COLGALT2: variants seen among roughly 807,000 people sequenced by gnomAD.
COLGALT2 encodes collagen beta(1-O)galactosyltransferase 2.
A neutral mutation model predicts 73.4 loss-of-function variants in COLGALT2; 49 were observed. The observed-to-expected ratio is 0.67, with a 90% CI of 0.53 to 0.85. The LOEUF (loss-of-function observed/expected upper bound fraction) is 0.85. Among genes scored for constraint, COLGALT2 ranks in the 40% least tolerant of loss-of-function variants. The pLI is 0.00. For missense variants in COLGALT2, 722 were observed against 790.2 expected (o/e 0.91, Z 1.03); for synonymous variants, 295 against 307.6 (o/e 0.96, Z 0.43).
intron 1 of COLGALT2, among the ~76,000 whole-genome samples, chr1:184,023,452 C>G (rs1409309489): frequency 6.6e-6 from 1 of 152,198 alleles, no homozygotes; most frequent in Admixed American, 6.5e-5. Flanking sequence ...AATCCACTAG[C>G]TTGGTGAGAC....
rs972256086 is a variant in COLGALT2 at position 183,937,498 on chromosome 1, T to C, written c.*1263A>G. The C allele has an allele frequency of 7.1e-6, 7 of 985,350 alleles. No individual in the cohort carries two copies. The African/African-American group carries it at 1.0e-4, about 15-fold the overall frequency. 61.0% of individuals were successfully genotyped at this position (985,350 alleles called of 1,614,324 possible). On this transcript the variant is annotated 3_prime_UTR_variant, in exon 12 of 12. Coordinates refer to ENST00000361927, the MANE Select transcript of COLGALT2 (RefSeq NM_015101.4). Reference sequence around the variant, plus strand: ...GGTGTCCGCCTGGGATTCTAAGAGCTTCCCTGGTTGCTGGCCTAAATCAGG... The same window carrying C: ...GGTGTCCGCCTGGGATTCTAAGAGCCTCCCTGGTTGCTGGCCTAAATCAGG...
At chr1:183,978,382 G>A in intron 2 of COLGALT2, 28 bp downstream of exon 2, 1 of 1,271,264 alleles carries the variant, frequency 7.9e-7, no homozygotes, top group South Asian at 1.2e-5. Context: ...TAAATAATGA[G>A]TTTACAAATT....
At chr1:183,998,863 C>T (rs973217207) in intron 1 of COLGALT2, among the ~76,000 whole-genome samples, 1 of 151,870 alleles carries the variant, frequency 6.6e-6, no homozygotes, top group Non-Finnish European at 1.5e-5. Flanking sequence ...CTGTTAGATA[C>T]TCAGTTGGTA....
At chr1:184,021,436 T>C (rs972227725) in intron 1 of COLGALT2, among the ~76,000 whole-genome samples, 1 of 152,158 alleles carries the variant, frequency 6.6e-6, no homozygotes, top group Admixed American at 6.5e-5. Flanking sequence ...ACTATTGTTA[T>C]TGAATGAGGG....
intron 11 of COLGALT2, among the ~76,000 whole-genome samples, chr1:183,939,425 G>C (rs1572626031): frequency 1.3e-5 from 2 of 152,184 alleles, no homozygotes; most frequent in Non-Finnish European, 2.9e-5. Flanking sequence ...TGGGGCATGT[G>C]GCACGTGGAG....
In COLGALT2 at chr1:183,958,490, C is replaced by G. The variant is rs1430741204; in HGVS notation, c.953-3652G>C. On this transcript the variant is annotated intron_variant, in intron 6 of 11. Transcript: ENST00000361927. ...GTCCTTTCATAGTAAATTTATTTTCCCACTCTTTGAGAGATTGTATCTTTT... is the reference window on the plus strand; with the variant it reads ...GTCCTTTCATAGTAAATTTATTTTCGCACTCTTTGAGAGATTGTATCTTTT... Among the ~76,000 whole-genome samples, 4 of 152,102 alleles carry G rather than the reference C, an allele frequency of 2.6e-5. No individual in the cohort carries two copies. The South Asian group carries it at 8.3e-4, about 32-fold the overall frequency.
intron 1 of COLGALT2, among the ~76,000 whole-genome samples, chr1:184,024,880 G>T (rs540698077): frequency 2.6e-5 from 4 of 152,252 alleles, no homozygotes; most frequent in African/African-American, 9.6e-5. Flanking sequence ...AAGATGCATG[G>T]GAAAATGAGG....
chr1:184,016,403 G>A (rs1050911798), intron 1 of COLGALT2, among the ~76,000 whole-genome samples: 1 of 152,194 alleles, frequency 6.6e-6, no homozygotes, highest in Non-Finnish European at 1.5e-5. Flanking sequence ...TATCAGCAGC[G>A]AGATTTCAGT....
chr1:183,997,918 G>A (rs12060999), intron 1 of COLGALT2, among the ~76,000 whole-genome samples: 13,366 of 152,204 alleles, frequency 0.088, 967 homozygotes, highest in East Asian at 0.41. Flanking sequence ...TTGACTGTCA[G>A]TGGACATTTA....
intron 1 of COLGALT2, among the ~76,000 whole-genome samples, chr1:184,031,817 A>ATCCCT (rs369842594): frequency 7.2e-6 from 1 of 139,190 alleles, no homozygotes; most frequent in African/African-American, 2.7e-5. Flanking sequence ...CCATGAATGT[A>ATCCCT]TCCTTCCTTC....
intron 2 of COLGALT2, among the ~76,000 whole-genome samples, chr1:183,976,357 T>TATAC (rs1671190081): frequency 1.3e-5 from 1 of 77,080 alleles, no homozygotes; most frequent in Admixed American, 1.2e-4. Flanking sequence ...ATATATTATA[T>TATAC]CATATTTATA....
At chr1:183,953,563 G>A (rs1670471495) in intron 7 of COLGALT2, among the ~76,000 whole-genome samples, 2 of 152,174 alleles carry the variant, frequency 1.3e-5, no homozygotes, top group African/African-American at 2.4e-5. Flanking sequence ...AGAGAGAGCT[G>A]TAGGGAAGGA....
chr1:183,949,426 C>T (rs1189689363), intron 8 of COLGALT2, among the ~76,000 whole-genome samples: 1 of 152,198 alleles, frequency 6.6e-6, no homozygotes, highest in African/African-American at 2.4e-5. Context: ...TAAATCCTTA[C>T]ATTTATGGGC....
chr1:183,972,888 A>G (rs553175448), intron 4 of COLGALT2, among the ~76,000 whole-genome samples: 34 of 152,200 alleles, frequency 2.2e-4, no homozygotes, highest in African/African-American at 8.2e-4. Flanking sequence ...TTTAGTAGAG[A>G]TGAGGTTTCA....
chr1:184,035,090 GAC>G (rs1237660861), intron 1 of COLGALT2, among the ~76,000 whole-genome samples: 2 of 152,156 alleles, frequency 1.3e-5, no homozygotes, highest in Non-Finnish European at 1.5e-5. Context: ...GGACATAAAA[GAC>G]AACAGATTTC....
intron 1 of COLGALT2, among the ~76,000 whole-genome samples, chr1:184,031,738 G>A (rs893668427): frequency 4.6e-5 from 7 of 152,218 alleles, no homozygotes; most frequent in African/African-American, 1.4e-4. Flanking sequence ...GAATGTAATG[G>A]CATCTCCCAC....
At chr1:183,990,547 G>T (rs1671603604) in intron 1 of COLGALT2, among the ~76,000 whole-genome samples, 1 of 152,236 alleles carries the variant, frequency 6.6e-6, no homozygotes, top group South Asian at 2.1e-4. Context: ...ATATGACAAG[G>T]TCTCCAAGTG....
At chr1:184,019,221 T>C (rs1455484634) in intron 1 of COLGALT2, among the ~76,000 whole-genome samples, 2 of 152,088 alleles carry the variant, frequency 1.3e-5, no homozygotes, top group African/African-American at 2.4e-5. Context: ...AGGGCTCAGG[T>C]AGGAGACAGA....
intron 8 of COLGALT2, 96 bp from the exon 9 acceptor site, chr1:183,945,660 C>G: frequency 2.1e-6 from 3 of 1,397,786 alleles, no homozygotes; most frequent in South Asian, 1.3e-5. Context: ...ACACCCCTCC[C>G]CCACACAGAC....
Sources: allele counts gnomAD v4.1 joint callset (sites outside exome capture counted in the v4.1 genomes callset), GRCh38; gene constraint gnomAD v4.1.1; transcripts MANE v1.5; gene names NCBI Gene and HGNC (gene_info 2026-07-23, HGNC 2026-07-21).